Variants in CACNB2 observed in about 807,000 individuals in gnomAD.
CACNB2 encodes the protein voltage-dependent L-type calcium channel subunit beta-2.
In CACNB2, 42 loss-of-function variants were observed where a neutral mutation model predicts 73.3. That is an observed-to-expected ratio of 0.57 (90% CI 0.45 to 0.74). CACNB2 has a LOEUF of 0.74. Among genes scored for constraint, CACNB2 ranks in the 30% least tolerant of loss-of-function variants. The pLI is 0.00. For missense variants in CACNB2, 940 were observed against 853.0 expected (o/e 1.10, Z -1.27); for synonymous variants, 348 against 310.3 (o/e 1.12, Z -1.28).
At chr10:18,425,379 T>C (rs2045542851) in intron 3 of CACNB2, among the ~76,000 whole-genome samples, 1 of 152,192 alleles carries the variant, frequency 6.6e-6, no homozygotes, top group African/African-American at 2.4e-5. Context: ...TAAGAAATTC[T>C]TTCCTGGCCA....
chr10:18,350,755 A>T (rs1464123909), intron 2 of CACNB2, among the ~76,000 whole-genome samples: 2 of 152,140 alleles, frequency 1.3e-5, no homozygotes, highest in African/African-American at 4.8e-5. Context: ...TGATACCAAG[A>T]TCATCTTAAA....
At chr10:18,356,157 T>C (rs61839209) in intron 2 of CACNB2, among the ~76,000 whole-genome samples, 23,942 of 152,124 alleles carry the variant, frequency 0.16, 2,194 homozygotes, top group East Asian at 0.32. Context: ...CGCTGTAATA[T>C]TGCTTACCCA....
intron 3 of CACNB2, among the ~76,000 whole-genome samples, chr10:18,456,367 G>A (rs1163540082): frequency 2.6e-5 from 4 of 152,186 alleles, no homozygotes; most frequent in Non-Finnish European, 5.9e-5. Context: ...GGAGGCTGAG[G>A]CAGGAGGATC....
intron 1 of CACNB2, among the ~76,000 whole-genome samples, chr10:18,149,492 A>G (rs1410441433): frequency 6.6e-6 from 1 of 152,214 alleles, no homozygotes; most frequent in African/African-American, 2.4e-5. Context: ...TCTGAATAGA[A>G]CAAACATATA....
chr10:18,361,809 C>T (rs1352690936), intron 2 of CACNB2, among the ~76,000 whole-genome samples: 2 of 151,888 alleles, frequency 1.3e-5, no homozygotes, highest in Non-Finnish European at 2.9e-5. Flanking sequence ...GATGGGGTTT[C>T]ACTACCTAGG....
At chr10:18,321,948 T>C (rs957637188) in intron 2 of CACNB2, among the ~76,000 whole-genome samples, 9 of 151,600 alleles carry the variant, frequency 5.9e-5, no homozygotes, top group Non-Finnish European at 1.2e-4. Context: ...AGGCCAAGAG[T>C]TCAAGACCAG....
At chr10:18,205,734 T>C (rs996891866) in intron 2 of CACNB2, among the ~76,000 whole-genome samples, 1 of 152,148 alleles carries the variant, frequency 6.6e-6, no homozygotes, top group Non-Finnish European at 1.5e-5. Flanking sequence ...CTATTCCAGC[T>C]TACTGGAGTG....
At chr10:18,520,433 A>C (rs2051746358) in intron 9 of CACNB2, among the ~76,000 whole-genome samples, 1 of 151,940 alleles carries the variant, frequency 6.6e-6, no homozygotes, top group Non-Finnish European at 1.5e-5. Context: ...AGACATCTTC[A>C]TCTCTTCCCT....
chr10:18,405,448 C>T (rs908770773), intron 3 of CACNB2, among the ~76,000 whole-genome samples: 5 of 152,144 alleles, frequency 3.3e-5, no homozygotes, highest in African/African-American at 1.2e-4. Context: ...CTGTTACGAA[C>T]ATTCCTGTAT....
intron 3 of CACNB2, among the ~76,000 whole-genome samples, chr10:18,404,018 G>C (rs569726502): frequency 3.4e-4 from 52 of 152,246 alleles, no homozygotes; most frequent in African/African-American, 1.2e-3. Context: ...AAATGCTTGA[G>C]GGGATAGATG....
chr10:18,527,799 G>A, intron 10 of CACNB2, 102 bp downstream of exon 10: 1 of 791,866 alleles, frequency 1.3e-6, no homozygotes, highest in Non-Finnish European at 2.2e-6. Context: ...ACAGAGTATA[G>A]AAAAAACAGG....
intron 3 of CACNB2, among the ~76,000 whole-genome samples, chr10:18,483,410 A>G (rs1173438635): frequency 6.6e-6 from 1 of 151,826 alleles, no homozygotes; most frequent in East Asian, 1.9e-4. Flanking sequence ...GGGTTCCTAT[A>G]ATCCCAGCTA....
intron 3 of CACNB2, among the ~76,000 whole-genome samples, chr10:18,457,264 A>G (rs768919973): frequency 1.3e-5 from 2 of 151,632 alleles, no homozygotes; most frequent in Non-Finnish European, 2.9e-5. Context: ...CTAATTTTTC[A>G]TTTTCTATAG....
At chr10:18,377,733 G>A (rs1024479057) in intron 2 of CACNB2, among the ~76,000 whole-genome samples, 1 of 152,160 alleles carries the variant, frequency 6.6e-6, no homozygotes, top group African/African-American at 2.4e-5. Context: ...AGCGGGGAAG[G>A]TATTTTTATA....
intron 3 of CACNB2, among the ~76,000 whole-genome samples, chr10:18,494,634 A>C (rs1187356199): frequency 6.7e-6 from 1 of 150,028 alleles, no homozygotes; most frequent in Non-Finnish European, 1.5e-5. Flanking sequence ...TCCGTCTCAA[A>C]AAAAAAAAAA....
intron 3 of CACNB2, among the ~76,000 whole-genome samples, chr10:18,458,752 A>G (rs1008029223): frequency 6.0e-5 from 9 of 150,820 alleles, no homozygotes; most frequent in Non-Finnish European, 1.2e-4. Flanking sequence ...GTAGGAAAAA[A>G]GTAAGGTGAA....
In CACNB2 at chr10:18,140,703, G is replaced by A. The variant is rs891158826; in HGVS notation, c.-34G>A. ...AGGAGGAGGGGACCCGCCGCCGGGG[G>A]CTGGCTGCTTCGCTCCGAGCCGACT... On this transcript the variant is annotated 5_prime_UTR_variant, in exon 1 of 14. Coordinates refer to ENST00000324631, the MANE Select transcript of CACNB2 (RefSeq NM_201596.3). 6.4e-6 allele frequency: 10 copies of A among 1,570,568 alleles called. No individual in the cohort carries two copies. Among genetic ancestry groups the A allele is most frequent in the African/African-American group, 4.0e-5 (3 of 74,294 alleles).
intron 2 of CACNB2, among the ~76,000 whole-genome samples, chr10:18,222,003 C>T (rs1298182847): frequency 1.3e-5 from 2 of 152,160 alleles, no homozygotes; most frequent in South Asian, 2.1e-4. Context: ...ATTATGCAGT[C>T]CTAGAGATTG....
At chr10:18,405,336 T>A (rs959692083) in intron 3 of CACNB2, among the ~76,000 whole-genome samples, 1 of 152,230 alleles carries the variant, frequency 6.6e-6, no homozygotes, top group Non-Finnish European at 1.5e-5. Flanking sequence ...TTGTCTATTC[T>A]GTATATTGCA....
Sources: gnomAD v4.1 joint callset for allele counts (sites outside exome capture counted in the v4.1 genomes callset) on GRCh38, gnomAD v4.1.1 for gene constraint, MANE v1.5 for transcripts, NCBI Gene and HGNC (gene_info 2026-07-23, HGNC 2026-07-21) for gene names.